The following MORC3 variants were observed in gnomAD, a reference collection of about 807,000 sequenced individuals.
MORC3 encodes MORC family CW-type zinc finger protein 3.
A neutral mutation model predicts 109.1 loss-of-function variants in MORC3; 31 were observed. That is an observed-to-expected ratio of 0.28 (90% CI 0.21 to 0.38). The LOEUF (loss-of-function observed/expected upper bound fraction) is 0.38. Among genes scored for constraint, MORC3 ranks in the 10% least tolerant of loss-of-function variants. MORC3 has a pLI of 1.00. For synonymous variants in MORC3, 395 were observed against 380.7 expected (o/e 1.04, Z -0.44); for missense variants, 867 against 1,135.8 (o/e 0.76, Z 3.40).
At chr21:36,344,334 A>G (rs1054605139) in intron 6 of MORC3, among the ~76,000 whole-genome samples, 1 of 152,206 alleles carries the variant, frequency 6.6e-6, no homozygotes, top group Admixed American at 6.5e-5. Flanking sequence ...TTAGTAATAA[A>G]TATATCAGCA....
At chr21:36,366,823 G>A (rs1374641817) in intron 14 of MORC3, among the ~76,000 whole-genome samples, 1 of 152,178 alleles carries the variant, frequency 6.6e-6, no homozygotes, top group Non-Finnish European at 1.5e-5. Context: ...GTGTATCTAA[G>A]TCTTAGGAAA....
At chr21:36,372,652 TGTGACCCTG>T (rs1208081564) in intron 16 of MORC3, 121 bp downstream of exon 16, 1 of 1,016,338 alleles carries the variant, frequency 9.8e-7, no homozygotes, top group Non-Finnish European at 1.3e-6. Context: ...GATGGTCTGC[TGTGACCCTG>T]GTGTTATGAT....
chr21:36,341,896 C>G (rs552693798), intron 6 of MORC3, among the ~76,000 whole-genome samples: 2 of 152,252 alleles, frequency 1.3e-5, no homozygotes, highest in South Asian at 4.1e-4. Flanking sequence ...GGTGGCCAGA[C>G]TAATTCAAAA....
chr21:36,328,330 G>GCCCC (rs997805995), intron 1 of MORC3, among the ~76,000 whole-genome samples: 107 of 137,978 alleles, frequency 7.8e-4, no homozygotes, highest in African/African-American at 2.1e-3. Flanking sequence ...ATAATAATAA[G>GCCCC]CCCCCCCCCG....
chr21:36,350,516 C>T (rs117865635), intron 9 of MORC3, among the ~76,000 whole-genome samples: 3,385 of 145,076 alleles, frequency 0.023, 57 homozygotes, highest in Admixed American at 0.047. Flanking sequence ...TGCATTCCCG[C>T]GCTGGTGACA....
intron 14 of MORC3, among the ~76,000 whole-genome samples, chr21:36,367,565 C>T (rs1366164628): frequency 6.6e-6 from 1 of 152,176 alleles, no homozygotes; most frequent in East Asian, 1.9e-4. Flanking sequence ...TGCTGGAAAG[C>T]CACCATCTGA....
chr21:36,338,947 G>A (rs369992990), intron 5 of MORC3, 26 bp downstream of exon 5: 26 of 1,609,380 alleles, frequency 1.6e-5, no homozygotes, highest in East Asian at 8.9e-5. Flanking sequence ...GATGTTGACC[G>A]TTTGGGAAGT....
chr21:36,322,650 G>A (rs1438037181), intron 1 of MORC3, among the ~76,000 whole-genome samples: 1 of 152,254 alleles, frequency 6.6e-6, no homozygotes, highest in East Asian at 1.9e-4. Flanking sequence ...GCGATTACAG[G>A]CCTGAGCCAC....
In MORC3 at chr21:36,364,144, T is replaced by C. The variant is rs1354834314; in HGVS notation, c.1504T>C (p.Ser502Pro). The part of the protein sequence containing the change: ...RPTALSTPSF[S>P]SPKESVPRRH... ...AACTGCTCTTTCAACTCCAAGCTTTTCTTCTCCTAAGGAAAGTGTTCCAAG... is the reference window on the plus strand; with the variant it reads ...AACTGCTCTTTCAACTCCAAGCTTTCCTTCTCCTAAGGAAAGTGTTCCAAG... Residue 502 changes from serine to proline, a missense_variant, in exon 14 of 17, where the codon TCT (serine) becomes CCT (proline). Physicochemically the swap from Ser to Pro is moderately conservative, Grantham distance 74. Coordinates refer to ENST00000400485, the MANE Select transcript of MORC3 (RefSeq NM_015358.3). 1.9e-6 allele frequency: 3 copies of C among 1,614,192 alleles called. No homozygotes were observed. Among genetic ancestry groups the C allele is most frequent in the East Asian group, 4.5e-5 (2 of 44,874 alleles).
intron 1 of MORC3, among the ~76,000 whole-genome samples, chr21:36,325,891 CTGT>C (rs1347985844): frequency 6.6e-5 from 10 of 152,140 alleles, no homozygotes; most frequent in African/African-American, 2.4e-4. Context: ...ATCAGATTTG[CTGT>C]TGTTGTATCA....
intron 6 of MORC3, among the ~76,000 whole-genome samples, chr21:36,344,042 G>GT (rs1251022156): frequency 1.3e-5 from 2 of 152,016 alleles, no homozygotes; most frequent in Non-Finnish European, 2.9e-5. Context: ...AAAATACAGT[G>GT]TTTTTTAAAT....
Position 36,376,211 on chromosome 21 carries a change from C to G in MORC3, c.*915C>G, listed in dbSNP as rs1033721018. The G allele has an allele frequency of 6.6e-6, 1 of 152,514 alleles. No individual in the cohort carries two copies. Among genetic ancestry groups the G allele is most frequent in the Non-Finnish European group, 1.5e-5 (1 of 68,010 alleles). 9.4% of individuals were successfully genotyped at this position (152,514 alleles called of 1,614,324 possible). A position where few individuals can be genotyped will look rare whatever the true frequency, so the allele number is the denominator to read the frequency against. On this transcript the variant is annotated 3_prime_UTR_variant, in exon 17 of 17. Coordinates refer to ENST00000400485, the MANE Select transcript of MORC3 (RefSeq NM_015358.3). ...TATCCTAGAGTCAAGGAACAAATTT[C>G]CTTAGGATTATAGTATTACATGCCA... is the stretch of plus-strand genomic sequence containing the variant.
rs1403944766 is a variant in MORC3 at position 36,337,775 on chromosome 21, G to T, written c.289G>T (p.Val97Phe). ...AGTCACCATGAATGGTCATGTCCCA[G>T]TTGGATTATATGGGAATGGCTTCAA... is the stretch of plus-strand genomic sequence containing the variant. ...DKVTMNGHVP[V>F]GLYGNGFKSG... Residue 97 changes from valine (V) to phenylalanine (F), a missense_variant, in exon 4 of 17, where the codon GTT becomes TTT. Around this residue, in one of 7 missense-constraint regions of MORC3, gnomAD observed 53 missense variants for 130.3 expected, o/e 0.41. Coordinates refer to ENST00000400485, the MANE Select transcript of MORC3 (RefSeq NM_015358.3). 1 of 1,614,082 alleles carries T rather than the reference G, an allele frequency of 6.2e-7. No homozygotes were observed.
intron 9 of MORC3, among the ~76,000 whole-genome samples, chr21:36,351,320 C>T (rs2085569959): frequency 1.3e-5 from 2 of 152,040 alleles, no homozygotes; most frequent in Non-Finnish European, 2.9e-5. Flanking sequence ...CCCGCCTTGG[C>T]CTCCCAAAAT....
Position 36,360,060 on chromosome 21 carries a change from C to T in MORC3, c.1314C>T (p.Asn438=). 6.2e-7 allele frequency: 1 copy of T among 1,614,158 alleles called. No individual in the cohort carries two copies. The highest frequency in any genetic ancestry group is 8.5e-7 in the Non-Finnish European group (1 of 1,180,034). Residue 438 remains asparagine, a synonymous_variant, in exon 11 of 17, where the codon AAC becomes AAT. Transcript: ENST00000400485. ...CTGAAAAATGGTATTGCTCCAATAA[C>T]CCTGACCCACAGTTCAGGTACCATA... is the stretch of plus-strand genomic sequence containing the variant. ...QLPEKWYCSN[N]PDPQFRNCEV... is the part of the protein sequence containing the mutation.
intron 9 of MORC3, among the ~76,000 whole-genome samples, chr21:36,351,057 CTTTTTTTTTTT>C (rs748042243): frequency 1.1e-4 from 8 of 71,452 alleles, no homozygotes; most frequent in East Asian, 5.4e-4. Context: ...GGTTGTCCTC[CTTTTTTTTTTT>C]TTTTTTTTTT....
At chr21:36,340,085 TGGCTAACAC>T (rs2085423501) in intron 5 of MORC3, among the ~76,000 whole-genome samples, 1 of 152,098 alleles carries the variant, frequency 6.6e-6, no homozygotes, top group Non-Finnish European at 1.5e-5. Flanking sequence ...GAGACCATCC[TGGCTAACAC>T]GGCGAAACCC....
chr21:36,335,667 G>A (rs1421870028), intron 2 of MORC3, among the ~76,000 whole-genome samples: 3 of 152,102 alleles, frequency 2.0e-5, no homozygotes, highest in Non-Finnish European at 4.4e-5. Flanking sequence ...TGAGAGAAAT[G>A]AGTATGCTAA....
intron 15 of MORC3, among the ~76,000 whole-genome samples, chr21:36,370,923 C>T (rs2146343563): frequency 6.6e-6 from 1 of 152,132 alleles, no homozygotes; most frequent in South Asian, 2.1e-4. Flanking sequence ...CCCATCTTGG[C>T]CTCCCAAAGT....
Sources: gnomAD v4.1 joint callset for allele counts (sites outside exome capture counted in the v4.1 genomes callset) on GRCh38, gnomAD v4.1.1 for gene constraint, gnomAD v4.1.1 regional missense constraint, MANE v1.5 for transcripts, NCBI Gene and HGNC (gene_info 2026-07-23, HGNC 2026-07-21) for gene names.